The following ABCB1 variants were observed in gnomAD, a reference collection of about 807,000 sequenced individuals.
The protein encoded by ABCB1 is ATP-dependent translocase ABCB1.
ABCB1 carries 69 observed loss-of-function variants against 142.0 expected under a neutral mutation model. The observed-to-expected ratio is 0.49, with a 90% CI of 0.40 to 0.59. The LOEUF is 0.59. ABCB1 is among the 20% of genes least tolerant of loss of function. The probability of loss-of-function intolerance (pLI) is 0.00; values close to 1 mark genes in which losing one functional copy is unlikely to be tolerated. For synonymous variants in ABCB1, 532 were observed against 539.2 expected, an observed-to-expected ratio of 0.99 and a Z score of 0.18; for missense variants, 1,326 against 1,554.7, an observed-to-expected ratio of 0.85 and a Z score of 2.47.
intron 9 of ABCB1, among the ~76,000 whole-genome samples, chr7:87,552,641 C>T (rs1331019343): frequency 7.0e-6 from 1 of 143,614 alleles, no homozygotes; most frequent in Non-Finnish European, 1.5e-5. Flanking sequence ...CACAGCATCA[C>T]TATACTAAAA....
Position 87,702,051 on chromosome 7 carries a change from GA to G in ABCB1, c.-331+11109del. On this transcript the variant is annotated intron_variant, in intron 1 of 28. Coordinates refer to the ABCB1 transcript ENST00000265724. ...CCAGCTACTTGGGAGGCTGAGGCAG[GA>G]GAATGGCGTGAACCCAGGAGGCGGA... is the stretch of plus-strand genomic sequence containing the variant. Among the ~76,000 whole-genome samples the G allele has an allele frequency of 3.5e-5, 5 of 144,506 alleles. No individual in the cohort carries two copies. In the South Asian group the frequency reaches 1.1e-3, roughly 33 times the overall value. The allele number at this position is 144,506 out of a possible 152,430, so 94.8% of individuals were successfully genotyped here.
chr7:87,629,920 CAAAA>C (rs202130650), intron 1 of ABCB1, among the ~76,000 whole-genome samples: 3 of 112,688 alleles, frequency 2.7e-5, no homozygotes, highest in African/African-American at 6.1e-5. Context: ...GAGACTTCGT[CAAAA>C]AAAAAAAAAA....
chr7:87,515,415 C>T lies in ABCB1; in HGVS notation c.3098G>A (p.Gly1033Glu). 6.2e-7 allele frequency: 1 copy of T among 1,614,066 alleles called. No homozygotes were observed. The highest frequency in any genetic ancestry group is 8.5e-7 in the Non-Finnish European group (1 of 1,179,974). ...TACAACTTCACCAAATGTGACATTT[C>T]CTTCCAATGTGTTCTGCAATGAGAA... Reference protein sequence around the residue: ...TEGLMPNTLEGNVTFGEVVFN... With the variant: ...TEGLMPNTLEENVTFGEVVFN... The change falls in exon 25 of 28, where the codon GGA (glycine) becomes GAA (glutamate). Residue 1033 changes from glycine (G) to glutamate (E), a missense_variant. Physicochemically the swap from Gly to Glu is moderately conservative, Grantham distance 98. Transcript: ENST00000622132.
intron 21 of ABCB1, among the ~76,000 whole-genome samples, chr7:87,523,809 T>G (rs1442803526): frequency 1.3e-5 from 2 of 152,126 alleles, no homozygotes; most frequent in East Asian, 1.9e-4. Flanking sequence ...TGAACCAACA[T>G]GCTGTCTCAT....
At chr7:87,626,825 G>T (rs1820687425) in intron 1 of ABCB1, among the ~76,000 whole-genome samples, 1 of 151,692 alleles carries the variant, frequency 6.6e-6, no homozygotes, top group Admixed American at 6.6e-5. Context: ...GCCCAGGCTG[G>T]AGTGCACTGG....
At chr7:87,559,363 A>T (rs1312882171) in intron 8 of ABCB1, among the ~76,000 whole-genome samples, 4 of 152,100 alleles carry the variant, frequency 2.6e-5, no homozygotes, top group Non-Finnish European at 4.4e-5. Context: ...GAGGGTTTTT[A>T]AATTTATTGG....
intron 25 of ABCB1, among the ~76,000 whole-genome samples, chr7:87,514,057 GA>G (rs1364061571): frequency 6.6e-6 from 1 of 152,182 alleles, no homozygotes; most frequent in Non-Finnish European, 1.5e-5. Context: ...AGAGTAAACT[GA>G]ATAAAGGCAT....
chr7:87,506,683 C>T (rs1204171322), intron 26 of ABCB1, among the ~76,000 whole-genome samples: 1 of 152,204 alleles, frequency 6.6e-6, no homozygotes, highest in Non-Finnish European at 1.5e-5. Context: ...CAACTATTCA[C>T]TATGATGATA....
At chr7:87,559,913 T>G (rs1254676431) in intron 8 of ABCB1, among the ~76,000 whole-genome samples, 1 of 152,226 alleles carries the variant, frequency 6.6e-6, no homozygotes, top group African/African-American at 2.4e-5. Flanking sequence ...ACCTTTTCTC[T>G]GAGGAAAACT....
intron 5 of ABCB1, among the ~76,000 whole-genome samples, chr7:87,568,238 ACG>A (rs1817865203): frequency 7.2e-6 from 1 of 138,906 alleles, no homozygotes; most frequent in Non-Finnish European, 1.5e-5. Context: ...TACTAAAAAT[ACG>A]ACAATAATAA....
In ABCB1 at chr7:87,710,711, C is replaced by A; in HGVS notation, c.-331+2450G>T. On this transcript the variant is annotated intron_variant, in intron 1 of 28. Transcript: ENST00000265724. ...TATTTGAAAGAATCACCTGAAGACT[C>A]AGAAATCAGAATAGGATGAAGAATC... is the stretch of plus-strand genomic sequence containing the variant. 3.2e-6 allele frequency: 3 copies of A among 932,564 alleles called. No individual in the cohort carries two copies. The South Asian group carries it at 4.6e-5, about 14-fold the overall frequency. The allele number at this position is 932,564 out of a possible 1,614,324, so 57.8% of individuals were successfully genotyped here. A position where few individuals can be genotyped will look rare whatever the true frequency, so the allele number is the denominator to read the frequency against.
intron 1 of ABCB1, among the ~76,000 whole-genome samples, chr7:87,711,042 A>G (rs1212399300): frequency 6.6e-6 from 1 of 151,976 alleles, no homozygotes; most frequent in Non-Finnish European, 1.5e-5. Context: ...AAGAATATAC[A>G]TTGGCCGGGC....
At chr7:87,612,982 T>C (rs536823071) in intron 1 of ABCB1, among the ~76,000 whole-genome samples, 6 of 151,278 alleles carry the variant, frequency 4.0e-5, no homozygotes, top group African/African-American at 1.4e-4. Context: ...TTCACCTCCT[T>C]GGTTAAGAAT....
chr7:87,553,618 C>T, intron 9 of ABCB1, 143 bp downstream of exon 9: 1 of 893,468 alleles, frequency 1.1e-6, no homozygotes, highest in East Asian at 2.7e-5. Flanking sequence ...CCGTGCCTGG[C>T]CTTCCACTTT....
intron 25 of ABCB1, among the ~76,000 whole-genome samples, chr7:87,514,502 C>CT (rs1179675344): frequency 4.6e-5 from 7 of 152,060 alleles, no homozygotes; most frequent in Non-Finnish European, 2.9e-5. Flanking sequence ...GTTGATTCTA[C>CT]TTTTTTTTCC....
At chr7:87,597,325 C>T (rs1437866645) in intron 2 of ABCB1, among the ~76,000 whole-genome samples, 2 of 151,998 alleles carry the variant, frequency 1.3e-5, no homozygotes, top group South Asian at 2.1e-4. Context: ...AATAAAGAAT[C>T]TTTGCTAATA....
intron 17 of ABCB1, among the ~76,000 whole-genome samples, chr7:87,543,650 C>T (rs994976053): frequency 6.6e-6 from 1 of 152,102 alleles, no homozygotes; most frequent in African/African-American, 2.4e-5. Context: ...GGAAGCCGTT[C>T]CTATTTGTTT....
intron 4 of ABCB1, among the ~76,000 whole-genome samples, chr7:87,583,167 A>G (rs1818591290): frequency 6.6e-6 from 1 of 152,202 alleles, no homozygotes. Flanking sequence ...AGTAACTAAT[A>G]TTTGTTGAGT....
intron 1 of ABCB1, among the ~76,000 whole-genome samples, chr7:87,695,761 A>G (rs906010647): frequency 5.9e-5 from 9 of 152,074 alleles, no homozygotes; most frequent in Non-Finnish European, 5.9e-5. Flanking sequence ...TTAGTAGAGA[A>G]CCACTTTAGA....
Sources: allele counts gnomAD v4.1 joint callset (sites outside exome capture counted in the v4.1 genomes callset), GRCh38; gene constraint gnomAD v4.1.1; transcripts MANE v1.5; gene names NCBI Gene and HGNC (gene_info 2026-07-23, HGNC 2026-07-21).